Variants in ANKS1B observed in about 807,000 individuals in gnomAD.
ANKS1B encodes the protein ankyrin repeat and sterile alpha motif domain containing 1B, also known as ankyrin repeat and sterile alpha motif domain-containing protein 1B.
ANKS1B carries 36 observed loss-of-function variants against 148.3 expected under a neutral mutation model. That is an observed-to-expected ratio of 0.24 (90% CI 0.19 to 0.32). The LOEUF is 0.32. ANKS1B is among the 10% of genes least tolerant of loss of function. The pLI is 1.00. For missense variants in ANKS1B, 1,157 were observed against 1,542.6 expected (o/e 0.75, Z 4.19); for synonymous variants, 542 against 560.8 (o/e 0.97, Z 0.47).
At chr12:99,720,226 G>A (rs950933862) in intron 8 of ANKS1B, among the ~76,000 whole-genome samples, 2 of 152,260 alleles carry the variant, frequency 1.3e-5, no homozygotes, top group South Asian at 2.1e-4. Flanking sequence ...CATCAAGCTC[G>A]GGGATTTGCC....
At chr12:98,787,981 C>T (rs530834404) in intron 22 of ANKS1B, among the ~76,000 whole-genome samples, 11 of 151,394 alleles carry the variant, frequency 7.3e-5, no homozygotes, top group Non-Finnish European at 1.0e-4. Context: ...CCTCTCAACA[C>T]GCTGAGAGCT....
At chr12:98,875,443 C>A (rs1358967126) in intron 17 of ANKS1B, among the ~76,000 whole-genome samples, 1 of 152,168 alleles carries the variant, frequency 6.6e-6, no homozygotes, top group Non-Finnish European at 1.5e-5. Flanking sequence ...CTCTTTCCAA[C>A]TCTCTCCTCC....
chr12:99,219,729 C>T (rs1566661778), intron 14 of ANKS1B, among the ~76,000 whole-genome samples: 1 of 152,148 alleles, frequency 6.6e-6, no homozygotes, highest in African/African-American at 2.4e-5. Flanking sequence ...TCTGAAGTCC[C>T]AGGGGTGTGC....
At chr12:99,976,159 A>T (rs1311515685) in intron 1 of ANKS1B, among the ~76,000 whole-genome samples, 4 of 152,204 alleles carry the variant, frequency 2.6e-5, no homozygotes, top group African/African-American at 9.7e-5. Context: ...GCATATGTGG[A>T]CATAAATAAG....
chr12:99,516,771 G>GT (rs993864821), intron 9 of ANKS1B, among the ~76,000 whole-genome samples: 8 of 151,758 alleles, frequency 5.3e-5, no homozygotes, highest in South Asian at 2.1e-4. Context: ...AAAAAAGACT[G>GT]TTTTTTTCCC....
intron 17 of ANKS1B, among the ~76,000 whole-genome samples, chr12:98,970,972 C>T (rs1371315218): frequency 6.6e-6 from 1 of 152,070 alleles, no homozygotes; most frequent in Non-Finnish European, 1.5e-5. Context: ...GGGAATATGA[C>T]CTCCCCCCAC....
rs1366718596 is a variant in ANKS1B at position 99,327,325 on chromosome 12, T to TATAATTATATATTATAATTACA, written c.1756+72305_1756+72306insTGTAATTATAATATATAATTAT. Among the ~76,000 whole-genome samples the TATAATTATATATTATAATTACA allele has an allele frequency of 1.2e-3, 141 of 117,938 alleles. 1 individual carries two copies. Among genetic ancestry groups the TATAATTATATATTATAATTACA allele is most frequent in the African/African-American group, 4.4e-3 (116 of 26,386 alleles). The allele number at this position is 117,938 out of a possible 152,430, so 77.4% of individuals were successfully genotyped here. A position where few individuals can be genotyped will look rare whatever the true frequency, so the allele number is the denominator to read the frequency against. On this transcript the variant is annotated intron_variant, in intron 12 of 26. Transcript: ENST00000683438. ...TGTAATTATATATTATAATTACATA[T>TATAATTATATATTATAATTACA]TATATATAATTATATATTATAATTA...
At chr12:99,905,866 A>T (rs2153778193) in intron 1 of ANKS1B, among the ~76,000 whole-genome samples, 1 of 152,318 alleles carries the variant, frequency 6.6e-6, no homozygotes, top group South Asian at 2.1e-4. Flanking sequence ...ATACAGTCAC[A>T]TTATAAGGTA....
At chr12:99,406,034 A>G (rs1341320351) in intron 11 of ANKS1B, among the ~76,000 whole-genome samples, 1 of 145,838 alleles carries the variant, frequency 6.9e-6, no homozygotes, top group East Asian at 1.9e-4. Context: ...AAATATTATT[A>G]AGGGTAAAGA....
intron 12 of ANKS1B, among the ~76,000 whole-genome samples, chr12:99,317,162 G>A (rs991121813): frequency 4.6e-5 from 7 of 152,172 alleles, no homozygotes; most frequent in East Asian, 1.9e-4. Flanking sequence ...CTCTTTTTTG[G>A]TTCCATATGA....
intron 9 of ANKS1B, among the ~76,000 whole-genome samples, chr12:99,538,794 A>G (rs1052205796): frequency 6.6e-6 from 1 of 152,168 alleles, no homozygotes; most frequent in Non-Finnish European, 1.5e-5. Flanking sequence ...TAGTGGTGAC[A>G]GTGGGCATCC....
intron 1 of ANKS1B, among the ~76,000 whole-genome samples, chr12:99,926,735 CA>C (rs1377365636): frequency 6.6e-6 from 1 of 152,194 alleles, no homozygotes; most frequent in Non-Finnish European, 1.5e-5. Flanking sequence ...CCCTAATACA[CA>C]CTGCAAATGA....
intron 16 of ANKS1B, among the ~76,000 whole-genome samples, chr12:99,080,346 T>C (rs2049271193): frequency 6.6e-6 from 1 of 152,090 alleles, no homozygotes; most frequent in African/African-American, 2.4e-5. Flanking sequence ...GCACTGGTTG[T>C]AGGAGGTCGC....
chr12:99,655,367 A>G (rs1364280191), intron 8 of ANKS1B, among the ~76,000 whole-genome samples, 157 bp from the exon 9 acceptor site: 1 of 152,182 alleles, frequency 6.6e-6, no homozygotes, highest in Non-Finnish European at 1.5e-5. Context: ...CCTGAGATAA[A>G]AATATGTATA....
chr12:98,869,689 G>A (rs950686916), intron 17 of ANKS1B, among the ~76,000 whole-genome samples: 2 of 25,322 alleles, frequency 7.9e-5, no homozygotes, highest in African/African-American at 4.1e-4. Flanking sequence ...GCATACATAT[G>A]TATGTGTGTG....
chr12:99,438,895 G>A (rs1366193013), intron 11 of ANKS1B, among the ~76,000 whole-genome samples: 1 of 151,052 alleles, frequency 6.6e-6, no homozygotes, highest in Non-Finnish European at 1.5e-5. Context: ...GAAATAAAAG[G>A]CACAAATATT....
chr12:99,323,074 T>C (rs1026387010), intron 12 of ANKS1B, among the ~76,000 whole-genome samples: 1 of 152,174 alleles, frequency 6.6e-6, no homozygotes, highest in Non-Finnish European at 1.5e-5. Flanking sequence ...AATGAACTAA[T>C]ACACTCAGCT....
At chr12:99,142,776 C>T (rs1285394960) in intron 15 of ANKS1B, among the ~76,000 whole-genome samples, 2 of 152,130 alleles carry the variant, frequency 1.3e-5, no homozygotes, top group Non-Finnish European at 2.9e-5. Context: ...ACAAGAACCT[C>T]ACTGCTATTT....
intron 15 of ANKS1B, among the ~76,000 whole-genome samples, chr12:99,108,325 C>T (rs751982535): frequency 1.1e-4 from 16 of 152,186 alleles, no homozygotes; most frequent in Non-Finnish European, 2.1e-4. Context: ...AGACTATGTA[C>T]CTTGAGGATA....
Sources: gnomAD v4.1 joint callset for allele counts (sites outside exome capture counted in the v4.1 genomes callset) on GRCh38, gnomAD v4.1.1 for gene constraint, MANE v1.5 for transcripts, NCBI Gene and HGNC (gene_info 2026-07-23, HGNC 2026-07-21) for gene names.